SREBF2: variants seen among roughly 807,000 people sequenced by gnomAD.
SREBF2 encodes sterol regulatory element-binding protein 2.
In SREBF2, 55 loss-of-function variants were observed where a neutral mutation model predicts 113.1. The observed-to-expected ratio is 0.49, with a 90% CI of 0.39 to 0.61. The LOEUF is 0.61. SREBF2 is among the 20% of genes least tolerant of loss of function. The pLI is 0.00. For missense variants in SREBF2, 1,349 were observed against 1,487.4 expected, an observed-to-expected ratio of 0.91 and a Z score of 1.53; for synonymous variants, 593 against 605.7, an observed-to-expected ratio of 0.98 and a Z score of 0.31.
chr22:41,905,585 C>T lies in SREBF2; in HGVS notation c.3351C>T (p.Gly1117=), dbSNP rs532932187. 15 of 1,598,466 alleles carry T rather than the reference C, an allele frequency of 9.4e-6. No individual in the cohort carries two copies. The highest frequency in any genetic ancestry group is 3.4e-5 in the South Asian group (3 of 88,352). Residue 1117 remains glycine (G), a synonymous_variant, in exon 19 of 19, where the codon GGC becomes GGT. Coordinates refer to ENST00000361204, the MANE Select transcript of SREBF2 (RefSeq NM_004599.4). ...AEAARTLEKV[G]DRRSCNDCQQ... ...CTGCCCGCACCCTGGAGAAGGTGGG[C>T]GACCGGCGCTCCTGCAACGACTGCC...
chr22:41,858,119 T>A (rs2076994198), intron 1 of SREBF2, among the ~76,000 whole-genome samples: 1 of 152,236 alleles, frequency 6.6e-6, no homozygotes, highest in South Asian at 2.1e-4. Flanking sequence ...AACAGTTCTG[T>A]ACATTCAATC....
intron 1 of SREBF2, among the ~76,000 whole-genome samples, chr22:41,858,341 C>T (rs2076995933): frequency 6.6e-6 from 1 of 152,170 alleles, no homozygotes. Flanking sequence ...GAGGGTTTTT[C>T]TTAAGCGTTA....
At position 41,880,982 on chromosome 22, in the gene SREBF2, G is replaced by A. The variant is rs2077240307; in HGVS notation, c.2028G>A (p.Leu676=). 2.5e-6 allele frequency: 4 copies of A among 1,607,384 alleles called. No homozygotes were observed. The highest frequency in any genetic ancestry group is 3.3e-5 in the Admixed American group (2 of 59,986). Residue 676 remains leucine (L), a synonymous_variant, in exon 10 of 19, where the codon CTG becomes CTA. Coordinates refer to ENST00000361204, the MANE Select transcript of SREBF2 (RefSeq NM_004599.4). ...AALAYHRLHQ[L]HITGKLPAGS... ...TGGCCTATCACCGGCTGCACCAGCT[G>A]CACATCACAGGTGAGGGGGCAGCTG...
rs867632176 is a variant in SREBF2, at chr22:41,849,903, C to T, written c.88+16545C>T. ...CCTGTAATCCCAGCACTTTGGGAGG[C>T]GGAGGTGGGTGGATCACGAGGTCAG... On this transcript the variant is annotated intron_variant, in intron 1 of 18. Coordinates refer to ENST00000361204, the MANE Select transcript of SREBF2 (RefSeq NM_004599.4). 1.1e-4 allele frequency among the ~76,000 whole-genome samples: 16 copies of T among 151,234 alleles called. No individual in the cohort carries two copies. In the Middle Eastern group the frequency reaches 0.014, roughly 129 times the overall value.
chr22:41,895,673 C>T (rs1294614069), intron 13 of SREBF2, among the ~76,000 whole-genome samples: 1 of 141,862 alleles, frequency 7.0e-6, no homozygotes, highest in Non-Finnish European at 1.5e-5. Flanking sequence ...TGATCTCGGG[C>T]AATCCGCCTG....
At chr22:41,859,678 ATGAGTTATCTCATCAATCCG>A (rs1357632650) in intron 1 of SREBF2, among the ~76,000 whole-genome samples, 1 of 151,932 alleles carries the variant, frequency 6.6e-6, no homozygotes, top group Admixed American at 6.6e-5. Flanking sequence ...TAGATTCCAC[ATGAGTTATCTCATCAATCCG>A]TGAGTTAGCT....
At chr22:41,844,029 T>C (rs200252790) in intron 1 of SREBF2, among the ~76,000 whole-genome samples, 12 of 48,770 alleles carry the variant, frequency 2.5e-4, no homozygotes, top group Admixed American at 1.1e-3. Flanking sequence ...AAAAAAAAAA[T>C]ACATACACAC....
In SREBF2 at chr22:41,896,273, T is replaced by C. The variant is rs577249250; in HGVS notation, c.2496-779T>C. On this transcript the variant is annotated intron_variant, in intron 13 of 18. Transcript: ENST00000361204. ...GGGCAATTTTTCTCTCTGACATACTTACTGAGCACAGTCCTTCTTTCACAG... is the reference window on the plus strand; with the variant it reads ...GGGCAATTTTTCTCTCTGACATACTCACTGAGCACAGTCCTTCTTTCACAG... Among the ~76,000 whole-genome samples, 9 of 152,310 alleles carry C rather than the reference T, an allele frequency of 5.9e-5. No homozygotes were observed. The South Asian group carries it at 1.9e-3, about 32-fold the overall frequency.
intron 1 of SREBF2, among the ~76,000 whole-genome samples, chr22:41,861,872 G>A (rs951402794): frequency 2.0e-5 from 3 of 151,560 alleles, no homozygotes; most frequent in African/African-American, 4.9e-5. Flanking sequence ...GCAGTGAGCC[G>A]AGATTGCACC....
At chr22:41,902,823 C>T in intron 16 of SREBF2, 147 bp from the exon 17 acceptor site, 1 of 878,064 alleles carries the variant, frequency 1.1e-6, no homozygotes, top group Non-Finnish European at 1.9e-6. Context: ...CCCTCACGTC[C>T]TGCGGAGTTC....
intron 1 of SREBF2, among the ~76,000 whole-genome samples, chr22:41,835,396 C>T (rs1355636036): frequency 6.7e-6 from 1 of 150,042 alleles, no homozygotes; most frequent in African/African-American, 2.5e-5. Flanking sequence ...CCGCAACCTC[C>T]ACCTCCCGAG....
chr22:41,900,550 G>A lies in SREBF2; in HGVS notation c.2907+52G>A, dbSNP rs147759708. 4.3e-5 allele frequency: 67 copies of A among 1,575,346 alleles called. No homozygotes were observed. In the East Asian group the frequency reaches 1.0e-3, roughly 24 times the overall value. ...GGGGAGGTGCTCTGCACTGGTTTAC[G>A]AGAACACTCCCACTCACCTCATGCT... is the stretch of plus-strand genomic sequence containing the variant. On this transcript the variant is annotated intron_variant, in intron 16 of 18. Transcript: ENST00000361204.
chr22:41,879,226 A>G (rs1316685041), intron 9 of SREBF2, among the ~76,000 whole-genome samples: 1 of 152,190 alleles, frequency 6.6e-6, no homozygotes, highest in Non-Finnish European at 1.5e-5. Context: ...ATTAAAAGGA[A>G]AGGTTTGAAC....
At position 41,863,837 on chromosome 22, in the gene SREBF2, G is replaced by A. The variant is rs145272025; in HGVS notation, c.89-2994G>A. 1.3e-3 allele frequency among the ~76,000 whole-genome samples: 195 copies of A among 152,152 alleles called. 2 individuals carry two copies. The highest frequency in any genetic ancestry group is 4.6e-3 in the African/African-American group (192 of 41,526). ...TCCCATATGGAGACTACACTAGAAA[G>A]CCCCAGCAGCTTTATTTATTTACAT... On this transcript the variant is annotated intron_variant, in intron 1 of 18. Transcript: ENST00000361204.
intron 8 of SREBF2, among the ~76,000 whole-genome samples, 162 bp downstream of exon 8, chr22:41,877,583 T>C (rs1336285439): frequency 1.3e-5 from 2 of 152,194 alleles, no homozygotes; most frequent in Non-Finnish European, 2.9e-5. Context: ...AGTTCCATTT[T>C]AGAAGTAACA....
At chr22:41,902,538 C>G (rs1256245512) in intron 16 of SREBF2, among the ~76,000 whole-genome samples, 2 of 152,140 alleles carry the variant, frequency 1.3e-5, no homozygotes, top group African/African-American at 4.8e-5. Flanking sequence ...TCCCCCAGCC[C>G]CATCGACAGG....
At chr22:41,897,229 A>T in intron 14 of SREBF2, 68 bp downstream of exon 14, 1 of 1,033,024 alleles carries the variant, frequency 9.7e-7, no homozygotes, top group Non-Finnish European at 1.5e-6. Flanking sequence ...CTTTTGCCCC[A>T]GGGGTCCAGG....
At chr22:41,901,323 C>T (rs1460697924) in intron 16 of SREBF2, among the ~76,000 whole-genome samples, 1 of 152,152 alleles carries the variant, frequency 6.6e-6, no homozygotes, top group Non-Finnish European at 1.5e-5. Flanking sequence ...GGGATGAACC[C>T]AGGACAGCGT....
intron 1 of SREBF2, among the ~76,000 whole-genome samples, chr22:41,865,371 AAAGAG>A (rs2077065533): frequency 6.6e-6 from 1 of 152,176 alleles, no homozygotes; most frequent in Non-Finnish European, 1.5e-5. Context: ...TGGAGAGAGA[AAAGAG>A]AAAAGAATAT....
Sources: allele counts gnomAD v4.1 joint callset (sites outside exome capture counted in the v4.1 genomes callset), GRCh38; gene constraint gnomAD v4.1.1; transcripts MANE v1.5; gene names NCBI Gene and HGNC (gene_info 2026-07-23, HGNC 2026-07-21).